HAUS7: variants seen among roughly 807,000 people sequenced by gnomAD.
HAUS7 encodes HAUS augmin like complex subunit 7.
HAUS7 carries 3 observed loss-of-function variants against 28.4 expected under a neutral mutation model. The observed-to-expected ratio is 0.11, with a 90% CI of 0.05 to 0.27. HAUS7 has a LOEUF of 0.27. HAUS7 is among the 10% of genes least tolerant of loss of function. HAUS7 has a pLI of 1.00. For synonymous variants in HAUS7, 165 were observed against 132.1 expected (o/e 1.25, Z -1.71); for missense variants, 284 against 297.3 (o/e 0.96, Z 0.33).
At position 153,469,218 on chromosome X, in the gene HAUS7, G is replaced by A; in HGVS notation, c.152C>T (p.Pro51Leu). Residue 51 changes from proline to leucine, a missense_variant, in exon 2 of 10, where the codon CCA (proline) becomes CTA (leucine). Physicochemically the swap from Pro to Leu is moderately conservative, Grantham distance 98 (BLOSUM62 -3). Coordinates refer to ENST00000370211, the MANE Select transcript of HAUS7 (RefSeq NM_001385482.1). Reference sequence around the variant, plus strand: ...GCACAGCAGTTCCTGAATTGTCTTTGGCTCTGTGATATACAGACCCTCGAG... The same window carrying A: ...GCACAGCAGTTCCTGAATTGTCTTTAGCTCTGTGATATACAGACCCTCGAG... ...PFLEGLYITE[P>L]KTIQELLCSP... 1 of 1,196,946 alleles carries A rather than the reference G, an allele frequency of 8.4e-7. No homozygotes were observed.
intron 1 of HAUS7, chrX:153,486,155 G>A (rs2124186647): frequency 2.5e-6 from 2 of 807,482 alleles, no homozygotes; most frequent in East Asian, 1.7e-4. Flanking sequence ...CACCCTGCCA[G>A]CACACAGAGG....
chrX:153,461,778 G>A (rs375119717), intron 4 of HAUS7: 4 of 259,001 alleles, frequency 1.5e-5, no homozygotes, highest in South Asian at 2.2e-4. Context: ...GCTCTCCCGC[G>A]CTGCTGCTGG....
rs782602362 is a variant in HAUS7, at chrX:153,455,707, G to A, written c.765C>T (p.Asp255=). 18 of 1,204,664 alleles carry A rather than the reference G, an allele frequency of 1.5e-5. No individual in the cohort carries two copies. In the Admixed American group the frequency reaches 3.3e-4, roughly 22 times the overall value. Residue 255 remains aspartate, a synonymous_variant, in exon 8 of 10, where the codon GAC becomes GAT. Coordinates refer to ENST00000370211, the MANE Select transcript of HAUS7 (RefSeq NM_001385482.1). The stretch of plus-strand genomic sequence containing the variant: ...CGGAAGTGACCAGACGCAGCTTCTG[G>A]TCTAGGGTGCTGATGTCGGCTGCGC... ...AAGAADISTL[D]QKLRLVTSDF... is the part of the protein sequence containing the mutation.
At chrX:153,469,541 T>G (rs928432062) in intron 1 of HAUS7, among the ~76,000 whole-genome samples, 6 of 112,790 alleles carry the variant, frequency 5.3e-5, no homozygotes, top group Non-Finnish European at 9.4e-5. Context: ...TTGGCCAGGC[T>G]GGTGTCAAAC....
At chrX:153,483,097 C>G (rs1285979281) in intron 1 of HAUS7, among the ~76,000 whole-genome samples, 1 of 113,094 alleles carries the variant, frequency 8.8e-6, no homozygotes, top group Non-Finnish European at 1.9e-5. Context: ...CCCATACCCT[C>G]TCTCTGGACC....
At chrX:153,448,830 C>T (rs1400422370) in intron 9 of HAUS7, among the ~76,000 whole-genome samples, 5 of 112,471 alleles carry the variant, frequency 4.4e-5, no homozygotes, top group African/African-American at 1.6e-4. Flanking sequence ...AGACCCAGGC[C>T]AGGGTCTGTT....
chrX:153,454,687 A>G (rs2089282266), intron 8 of HAUS7, 179 bp from the exon 9 acceptor site: 3 of 474,738 alleles, frequency 6.3e-6, no homozygotes, highest in Non-Finnish European at 3.7e-6. Context: ...GAAGTCACCA[A>G]TCAGAGTTCT....
chrX:153,492,212 C>T (rs890955097), intron 1 of HAUS7, among the ~76,000 whole-genome samples: 1 of 113,590 alleles, frequency 8.8e-6, no homozygotes, highest in Non-Finnish European at 1.9e-5. Context: ...GCTGCCCGCC[C>T]GCCAGCTCTG....
chrX:153,454,795 G>A (rs1556981701), intron 8 of HAUS7: 10 of 684,214 alleles, frequency 1.5e-5, no homozygotes, highest in South Asian at 2.5e-5. Flanking sequence ...CCAGCACTGC[G>A]TGTCCTCCCA....
At chrX:153,481,677 C>G in intron 1 of HAUS7, 1 of 754,375 alleles carries the variant, frequency 1.3e-6, no homozygotes, top group Non-Finnish European at 1.6e-6. Flanking sequence ...CCACACCCAC[C>G]CCTGCAGCAG....
Position 153,456,552 on chromosome X carries a change from G to A in HAUS7, c.546C>T (p.Cys182=), listed in dbSNP as rs782052469. ...GCTGCATGTCCAGGGGCCACGGGTC[G>A]CACTCTGGATTCAGGAGCATCTGCA... is the stretch of plus-strand genomic sequence containing the variant. The part of the protein sequence containing the change: ...PHLQMLLNPE[C]DPWPLDMQPL... The change falls in exon 6 of 10, where the codon TGC becomes TGT. Residue 182 remains cysteine, a synonymous_variant. Coordinates refer to ENST00000370211, the MANE Select transcript of HAUS7 (RefSeq NM_001385482.1). The A allele has an allele frequency of 4.9e-5, 58 of 1,173,937 alleles. 1 individual carries two copies. The South Asian group carries it at 8.6e-4, about 17-fold the overall frequency.
chrX:153,480,028 A>C (rs1602953710), intron 1 of HAUS7, among the ~76,000 whole-genome samples: 1 of 111,943 alleles, frequency 8.9e-6, no homozygotes, highest in Non-Finnish European at 1.9e-5. Context: ...TTCACTTCTA[A>C]AAGCAAATTG....
chrX:153,485,738 C>T, intron 1 of HAUS7: 1 of 809,822 alleles, frequency 1.2e-6, no homozygotes. Flanking sequence ...CAACCGTCAG[C>T]TCCCTCTGCC....
intron 9 of HAUS7, among the ~76,000 whole-genome samples, chrX:153,448,624 G>A (rs186147592): frequency 0.017 from 1,848 of 111,395 alleles, 25 homozygotes; most frequent in African/African-American, 0.057. Flanking sequence ...AGCGAGCCTG[G>A]CGCAAGAGGC....
At chrX:153,460,302 G>A (rs782725323) in intron 4 of HAUS7, among the ~76,000 whole-genome samples, 19 of 111,881 alleles carry the variant, frequency 1.7e-4, no homozygotes, top group Non-Finnish European at 3.4e-4. Flanking sequence ...TGGGGGTGAT[G>A]AAAATGTTGT....
chrX:153,464,351 C>T (rs182233217), intron 3 of HAUS7, among the ~76,000 whole-genome samples: 1 of 112,840 alleles, frequency 8.9e-6, no homozygotes, highest in Non-Finnish European at 1.9e-5. Context: ...TCTAAAACAA[C>T]ACCTCCTTCT....
chrX:153,476,459 G>C (rs782676373), intron 1 of HAUS7, among the ~76,000 whole-genome samples: 15 of 112,120 alleles, frequency 1.3e-4, no homozygotes, highest in Non-Finnish European at 2.6e-4. Flanking sequence ...GGGTATGTGT[G>C]TGCATGAGTG....
chrX:153,468,831 T>C (rs1556984683), intron 2 of HAUS7, among the ~76,000 whole-genome samples: 1 of 112,650 alleles, frequency 8.9e-6, no homozygotes, highest in African/African-American at 3.2e-5. Context: ...GAATGGAGCA[T>C]TTCTCAGGTG....
rs782415765 is a variant in HAUS7 at position 153,458,169 on chromosome X, T to C, written c.355-941A>G. 1.6e-3 allele frequency among the ~76,000 whole-genome samples: 179 copies of C among 113,074 alleles called. 1 individual carries two copies. Among genetic ancestry groups the C allele is most frequent in the Non-Finnish European group, 2.8e-3 (150 of 53,301 alleles). ...AAGGTAAAATTGGCAACACTGCCAA[T>C]AGCATAGAGCCTGGGCATCACCATG... is the stretch of plus-strand genomic sequence containing the variant. On this transcript the variant is annotated intron_variant, in intron 4 of 9. Transcript: ENST00000370211.
Sources: gnomAD v4.1 joint callset for allele counts (sites outside exome capture counted in the v4.1 genomes callset) on GRCh38, gnomAD v4.1.1 for gene constraint, MANE v1.5 for transcripts, NCBI Gene and HGNC (gene_info 2026-07-23, HGNC 2026-07-21) for gene names.